Variants in HMCES observed in about 807,000 individuals in gnomAD.
The protein encoded by HMCES is abasic site processing protein HMCES.
Under a neutral mutation model 35.1 loss-of-function variants are expected in HMCES, and 27 were observed. That is an observed-to-expected ratio of 0.77 (90% confidence interval 0.57 to 1.06). The LOEUF is 1.06. HMCES is among the 50% of genes least tolerant of loss of function. The probability of loss-of-function intolerance (pLI) is 0.00; values close to 1 mark genes in which losing one functional copy is unlikely to be tolerated. For synonymous variants in HMCES, 130 were observed against 154.7 expected, an observed-to-expected ratio of 0.84 and a Z score of 1.18; for missense variants, 391 against 430.4, an observed-to-expected ratio of 0.91 and a Z score of 0.81.
chr3:129,293,460 A>G (rs978883474), intron 4 of HMCES, among the ~76,000 whole-genome samples: 4 of 152,168 alleles, frequency 2.6e-5, no homozygotes, highest in Admixed American at 1.3e-4. Flanking sequence ...AGATTAATTT[A>G]TAAAACATCT....
intron 2 of HMCES, 71 bp from the exon 3 acceptor site, chr3:129,288,783 A>C (rs1031704894): frequency 4.3e-5 from 48 of 1,104,042 alleles, no homozygotes; most frequent in Non-Finnish European, 5.5e-5. Flanking sequence ...TAAATAATGT[A>C]ATAAATACAT....
chr3:129,305,272 T>A lies in HMCES; in HGVS notation c.*447T>A, dbSNP rs2071221078. 6.5e-6 allele frequency: 1 copy of A among 154,778 alleles called. No homozygotes were observed. The highest frequency in any genetic ancestry group is 6.4e-5 in the Admixed American group (1 of 15,746). 9.6% of individuals were successfully genotyped at this position (154,778 alleles called of 1,614,324 possible). On this transcript the variant is annotated 3_prime_UTR_variant, in exon 7 of 7. Transcript: ENST00000383463. ...AAGTTCTTAAAATTTATTTTTTTCC[T>A]GAATAAATTGTATTTGGTAAACTTC...
At position 129,285,242 on chromosome 3, in the gene HMCES, G is replaced by A. The variant is rs1354856882; in HGVS notation, c.184-3612G>A. Among the ~76,000 whole-genome samples the A allele has an allele frequency of 3.9e-5, 6 of 152,138 alleles. No individual in the cohort carries two copies. The South Asian group carries it at 8.3e-4, about 21-fold the overall frequency. Reference sequence around the variant, plus strand: ...TGGCATTAATAGTCATCTTTTTATAGACAATTTTATGATTTGTTTTTAATC... The same window carrying A: ...TGGCATTAATAGTCATCTTTTTATAAACAATTTTATGATTTGTTTTTAATC... On this transcript the variant is annotated intron_variant, in intron 2 of 6. Transcript: ENST00000383463.
intron 4 of HMCES, among the ~76,000 whole-genome samples, chr3:129,294,215 A>C (rs2071063765): frequency 6.6e-6 from 1 of 152,020 alleles, no homozygotes; most frequent in Admixed American, 6.6e-5. Context: ...TCAGGAGATC[A>C]AGACCATCGT....
chr3:129,291,819 G>A (rs958649177), intron 4 of HMCES, among the ~76,000 whole-genome samples: 4 of 152,152 alleles, frequency 2.6e-5, no homozygotes, highest in East Asian at 1.9e-4. Context: ...GGCCAGGCAC[G>A]GTTGCTCATG....
At chr3:129,284,998 C>T (rs1940596180) in intron 2 of HMCES, among the ~76,000 whole-genome samples, 1 of 152,178 alleles carries the variant, frequency 6.6e-6, no homozygotes, top group African/African-American at 2.4e-5. Context: ...GAGGGATTAG[C>T]TTTTAAACAA....
chr3:129,289,529 T>C (rs1576983724), intron 3 of HMCES, among the ~76,000 whole-genome samples: 1 of 152,196 alleles, frequency 6.6e-6, no homozygotes, highest in Non-Finnish European at 1.5e-5. Flanking sequence ...TATTCTTTTA[T>C]TGTTATTGTT....
chr3:129,301,821 A>C (rs1008006301), intron 5 of HMCES, 129 bp from the exon 6 acceptor site: 2 of 730,152 alleles, frequency 2.7e-6, no homozygotes, highest in East Asian at 4.9e-5. Context: ...AGCAATCAGC[A>C]TGTGAGGCGC....
chr3:129,305,018 T>C lies in HMCES; in HGVS notation c.*193T>C. On this transcript the variant is annotated 3_prime_UTR_variant, in exon 7 of 7. Transcript: ENST00000383463. ...GGCTGGTGGACAGCTTTGGAAGAGGTGTCCTGCTGCTGTTACCAGCCATGT... is the reference window on the plus strand; with the variant it reads ...GGCTGGTGGACAGCTTTGGAAGAGGCGTCCTGCTGCTGTTACCAGCCATGT... The C allele has an allele frequency of 1.7e-6, 1 of 593,298 alleles. No individual in the cohort carries two copies. The highest frequency in any genetic ancestry group is 3.0e-6 in the Non-Finnish European group (1 of 334,876). 36.8% of individuals were successfully genotyped at this position (593,298 alleles called of 1,614,324 possible).
At chr3:129,280,956 G>A (rs1424920813) in intron 2 of HMCES, among the ~76,000 whole-genome samples, 1 of 152,222 alleles carries the variant, frequency 6.6e-6, no homozygotes, top group African/African-American at 2.4e-5. Flanking sequence ...GGGCACGGTG[G>A]CCCACGCCTG....
intron 4 of HMCES, among the ~76,000 whole-genome samples, chr3:129,296,678 T>C (rs1462979235): frequency 2.6e-5 from 4 of 152,226 alleles, no homozygotes; most frequent in Non-Finnish European, 4.4e-5. Context: ...AATTCTTCTA[T>C]TAGGCCATTA....
At chr3:129,303,731 G>T (rs2071199583) in intron 6 of HMCES, among the ~76,000 whole-genome samples, 1 of 151,510 alleles carries the variant, frequency 6.6e-6, no homozygotes, top group Non-Finnish European at 1.5e-5. Context: ...TTTCTGCCAT[G>T]GTCTTTTTTT....
In HMCES at chr3:129,305,046, G is replaced by T. The variant is rs1277105639; in HGVS notation, c.*221G>T. 5.2e-6 allele frequency: 3 copies of T among 575,562 alleles called. No homozygotes were observed. Among genetic ancestry groups the T allele is most frequent in the Non-Finnish European group, 9.3e-6 (3 of 323,968 alleles). The allele number at this position is 575,562 out of a possible 1,614,324, so 35.7% of individuals were successfully genotyped here. A position where few individuals can be genotyped will look rare whatever the true frequency, so the allele number is the denominator to read the frequency against. On this transcript the variant is annotated 3_prime_UTR_variant, in exon 7 of 7. Transcript: ENST00000383463. Reference sequence around the variant, plus strand: ...CCTGCTGCTGTTACCAGCCATGTGGGCCCCATAGGGGCACTGCGCCTGCTG... The same window carrying T: ...CCTGCTGCTGTTACCAGCCATGTGGTCCCCATAGGGGCACTGCGCCTGCTG...
At chr3:129,289,026 G>T in intron 3 of HMCES, 29 bp downstream of exon 3, 1 of 1,497,218 alleles carries the variant, frequency 6.7e-7, no homozygotes, top group Non-Finnish European at 9.1e-7. Flanking sequence ...TTAGTGCCCC[G>T]TATACCTCAG....
At position 129,302,136 on chromosome 3, in the gene HMCES, CA is replaced by C. The variant is rs1259586777; in HGVS notation, c.827del (p.Lys276ArgfsTer59). ...ECLAPVDLVV[K>X]KELRASGSSQ... ...GTCTGGCTCCTGTCGACTTGGTGGT[CA>C]AAAAGGTAGGGGCCTGTGACTGGTA... On this transcript the variant is annotated frameshift_variant, in exon 6 of 7. Transcript: ENST00000383463. LOFTEE classifies it high-confidence loss of function. The C allele has an allele frequency of 1.9e-6, 3 of 1,608,594 alleles. No homozygotes were observed. The highest frequency in any genetic ancestry group is 1.1e-5 in the South Asian group (1 of 89,936).
chr3:129,291,028 C>T (rs1302497299), intron 4 of HMCES, among the ~76,000 whole-genome samples: 3 of 151,982 alleles, frequency 2.0e-5, no homozygotes, highest in Admixed American at 6.6e-5. Flanking sequence ...CATGGTGAAA[C>T]CCCGTCTCTA....
chr3:129,283,651 T>A (rs997453011), intron 2 of HMCES, among the ~76,000 whole-genome samples: 1 of 152,028 alleles, frequency 6.6e-6, no homozygotes, highest in Non-Finnish European at 1.5e-5. Context: ...ACCAACATGG[T>A]GAAACCCTGT....
At chr3:129,280,156 T>G (rs937944813) in intron 2 of HMCES, among the ~76,000 whole-genome samples, 1 of 152,246 alleles carries the variant, frequency 6.6e-6, no homozygotes, top group African/African-American at 2.4e-5. Flanking sequence ...CATGGCATAC[T>G]AGCCTTAATA....
At position 129,292,245 on chromosome 3, in the gene HMCES, T is replaced by G. The variant is rs372545699; in HGVS notation, c.453+1441T>G. ...ACCTGAGTTCTTAGCAGTTTGCTTG[T>G]TAAAATTGGGAATTGTTTGTTCACC... On this transcript the variant is annotated intron_variant, in intron 4 of 6. Transcript: ENST00000383463. 2.0e-4 allele frequency among the ~76,000 whole-genome samples: 30 copies of G among 152,224 alleles called. 5 individuals are homozygous for G. Among genetic ancestry groups the G allele is most frequent in the Admixed American group, 9.2e-4 (14 of 15,298 alleles).
Sources: allele counts gnomAD v4.1 joint callset (sites outside exome capture counted in the v4.1 genomes callset), GRCh38; gene constraint gnomAD v4.1.1; transcripts MANE v1.5; gene names NCBI Gene and HGNC (gene_info 2026-07-23, HGNC 2026-07-21).